Variants in CCSER1 observed in about 807,000 individuals in gnomAD.
The protein encoded by CCSER1 is serine-rich coiled-coil domain-containing protein 1.
Under a neutral mutation model 82.0 loss-of-function variants are expected in CCSER1, and 41 were observed. The ratio of observed to expected loss-of-function variants is 0.50; its 90% CI spans 0.39 to 0.65. The LOEUF (loss-of-function observed/expected upper bound fraction) is 0.65, where lower values mean the gene tolerates loss of function less well. Among genes scored for constraint, CCSER1 ranks in the 30% least tolerant of loss-of-function variants. The pLI is 0.00. For missense variants in CCSER1, 1,119 were observed against 1,064.2 expected (o/e 1.05, Z -0.72); for synonymous variants, 414 against 383.9 (o/e 1.08, Z -0.92).
At chr4:90,443,713 A>G (rs1043632013) in intron 4 of CCSER1, among the ~76,000 whole-genome samples, 3 of 152,102 alleles carry the variant, frequency 2.0e-5, no homozygotes, top group African/African-American at 4.8e-5. Flanking sequence ...ATGATTTTTC[A>G]TACATTAATA....
intron 9 of CCSER1, among the ~76,000 whole-genome samples, chr4:91,078,115 T>G (rs1561527776): frequency 6.6e-6 from 1 of 152,196 alleles, no homozygotes. Context: ...GCACAGAGTT[T>G]GGGATCTGAG....
intron 5 of CCSER1, among the ~76,000 whole-genome samples, chr4:90,591,247 A>G (rs1409816988): frequency 2.0e-5 from 3 of 152,108 alleles, no homozygotes; most frequent in Non-Finnish European, 4.4e-5. Context: ...AGAAAATTTG[A>G]CTTCCTCTCT....
At chr4:90,219,645 T>G (rs1741756153) in intron 1 of CCSER1, among the ~76,000 whole-genome samples, 1 of 152,120 alleles carries the variant, frequency 6.6e-6, no homozygotes, top group Non-Finnish European at 1.5e-5. Context: ...GTAAATGAAG[T>G]GGGGATTTTT....
At chr4:90,792,291 T>C (rs1755370680) in intron 7 of CCSER1, among the ~76,000 whole-genome samples, 1 of 152,202 alleles carries the variant, frequency 6.6e-6, no homozygotes, top group African/African-American at 2.4e-5. Context: ...CAGCACCCCA[T>C]AAAATAGGGT....
At chr4:91,575,716 G>A (rs1462417796) in intron 10 of CCSER1, among the ~76,000 whole-genome samples, 1 of 151,842 alleles carries the variant, frequency 6.6e-6, no homozygotes, top group Non-Finnish European at 1.5e-5. Context: ...GGCTTCAAAA[G>A]GAGGCATACA....
At chr4:90,364,550 T>G (rs924574925) in intron 3 of CCSER1, among the ~76,000 whole-genome samples, 1 of 152,100 alleles carries the variant, frequency 6.6e-6, no homozygotes, top group Non-Finnish European at 1.5e-5. Context: ...AAAAATCTGC[T>G]TAAACATTGT....
intron 10 of CCSER1, among the ~76,000 whole-genome samples, chr4:91,104,557 G>A (rs1043977256): frequency 6.6e-6 from 1 of 152,184 alleles, no homozygotes; most frequent in Non-Finnish European, 1.5e-5. Flanking sequence ...TCTTATACAA[G>A]TCATAGTTGT....
At position 90,530,283 on chromosome 4, in the gene CCSER1, T is replaced by G. The variant is rs140687239; in HGVS notation, c.1724+61929T>G. On this transcript the variant is annotated intron_variant, in intron 5 of 10. Coordinates refer to ENST00000509176, the MANE Select transcript of CCSER1 (RefSeq NM_001145065.2). ...TATTCTACTTAAAAGATTAACACTC[T>G]TATAGTTTTCATAGATTATTGGTGT... Among the ~76,000 whole-genome samples the G allele has an allele frequency of 5.6e-3, 858 of 152,296 alleles. 10 individuals are homozygous for G. The highest frequency in any genetic ancestry group is 0.02 in the African/African-American group (825 of 41,558).
At chr4:91,000,709 T>G (rs1737960045) in intron 9 of CCSER1, among the ~76,000 whole-genome samples, 1 of 152,152 alleles carries the variant, frequency 6.6e-6, no homozygotes, top group South Asian at 2.1e-4. Context: ...GATTGTGTTC[T>G]TGATTTGGCC....
intron 8 of CCSER1, among the ~76,000 whole-genome samples, chr4:90,841,960 T>C (rs1010302026): frequency 6.6e-6 from 1 of 152,196 alleles, no homozygotes; most frequent in Admixed American, 6.5e-5. Context: ...GTGTTTAATC[T>C]ACATTCTGCT....
At chr4:90,766,229 G>A (rs1751197219) in intron 7 of CCSER1, among the ~76,000 whole-genome samples, 1 of 152,050 alleles carries the variant, frequency 6.6e-6, no homozygotes, top group Non-Finnish European at 1.5e-5. Flanking sequence ...AGTCTTCCTA[G>A]TGCAGATGAA....
At chr4:91,019,336 G>C (rs1739715962) in intron 9 of CCSER1, among the ~76,000 whole-genome samples, 1 of 151,820 alleles carries the variant, frequency 6.6e-6, no homozygotes, top group South Asian at 2.1e-4. Flanking sequence ...TGGGTTCTAT[G>C]TAAAGCTATT....
chr4:90,495,414 A>G (rs542494658), intron 5 of CCSER1, among the ~76,000 whole-genome samples: 1 of 152,110 alleles, frequency 6.6e-6, no homozygotes, highest in East Asian at 1.9e-4. Context: ...ACTTTTGCCT[A>G]CTTACTTTAG....
At chr4:90,625,122 G>T (rs945542440) in intron 5 of CCSER1, among the ~76,000 whole-genome samples, 3 of 152,140 alleles carry the variant, frequency 2.0e-5, no homozygotes, top group Non-Finnish European at 2.9e-5. Flanking sequence ...TGAACGAATT[G>T]TATTATCCAG....
At chr4:90,567,192 G>T (rs1391198033) in intron 5 of CCSER1, among the ~76,000 whole-genome samples, 1 of 151,276 alleles carries the variant, frequency 6.6e-6, no homozygotes, top group African/African-American at 2.4e-5. Flanking sequence ...AACATTTTGT[G>T]ATCTTTCTCA....
At chr4:90,619,534 A>G in intron 5 of CCSER1, among the ~76,000 whole-genome samples, 1 of 152,086 alleles carries the variant, frequency 6.6e-6, no homozygotes, top group South Asian at 2.1e-4. Flanking sequence ...TTCTATAAAT[A>G]TTAGGGGGCA....
intron 10 of CCSER1, among the ~76,000 whole-genome samples, chr4:91,433,968 G>A (rs1281875851): frequency 6.6e-6 from 1 of 152,164 alleles, no homozygotes; most frequent in Non-Finnish European, 1.5e-5. Flanking sequence ...TCATAGTATA[G>A]GTTCTGAGAA....
intron 3 of CCSER1, among the ~76,000 whole-genome samples, chr4:90,357,890 A>G (rs1744642076): frequency 6.6e-6 from 1 of 152,030 alleles, no homozygotes; most frequent in Admixed American, 6.5e-5. Flanking sequence ...CTGAAAGCAA[A>G]TCTCACAAAT....
At chr4:91,327,181 T>G (rs1746628008) in intron 10 of CCSER1, among the ~76,000 whole-genome samples, 1 of 152,182 alleles carries the variant, frequency 6.6e-6, no homozygotes, top group Non-Finnish European at 1.5e-5. Flanking sequence ...CCTCTGCACT[T>G]CCCTAGTAGA....
Sources: gnomAD v4.1 joint callset for allele counts (sites outside exome capture counted in the v4.1 genomes callset) on GRCh38, gnomAD v4.1.1 for gene constraint, MANE v1.5 for transcripts, NCBI Gene and HGNC (gene_info 2026-07-23, HGNC 2026-07-21) for gene names.